UNC13D: variants seen among roughly 807,000 people sequenced by gnomAD.
UNC13D encodes the protein unc-13 homolog D.
UNC13D carries 115 observed loss-of-function variants against 151.7 expected under a neutral mutation model. The ratio of observed to expected loss-of-function variants is 0.76; its 90% CI spans 0.65 to 0.88. The LOEUF (loss-of-function observed/expected upper bound fraction) is 0.88, where lower values mean the gene tolerates loss of function less well. Among genes scored for constraint, UNC13D ranks in the 40% least tolerant of loss-of-function variants. The pLI, the probability that UNC13D is intolerant of heterozygous loss-of-function variation, is 0.00. For missense variants in UNC13D, 1,369 were observed against 1,438.7 expected, an observed-to-expected ratio of 0.95 and a Z score of 0.78; for synonymous variants, 588 against 612.2, an observed-to-expected ratio of 0.96 and a Z score of 0.58.
In UNC13D at chr17:75,840,639, C is replaced by G; in HGVS notation, c.684-63G>C. On this transcript the variant is annotated intron_variant, in intron 8 of 31. Transcript: ENST00000207549. The surrounding 1 kb of genome is among the most constrained non-coding windows in gnomAD (Gnocchi z 4.6). ...GGGTCGGAAGGGATTAGGCTGGAAT[C>G]CACCCCCGGCCGCAGCCACCTGGAC... The G allele has an allele frequency of 6.2e-7, 1 of 1,612,396 alleles. No homozygotes were observed. Among genetic ancestry groups the G allele is most frequent in the East Asian group, 2.2e-5 (1 of 44,870 alleles).
chr17:75,842,482 G>A lies in UNC13D; in HGVS notation c.520C>T (p.Gln174Ter), dbSNP rs1157287613. 2.5e-6 allele frequency: 4 copies of A among 1,613,474 alleles called. No homozygotes were observed. The Middle Eastern group carries it at 4.9e-4, about 200-fold the overall frequency. ...GGGTTGAGTGTCTGGGTGATGACCT[G>A]CGTGCGGTGGGTCTCCTCCTCGGGG... ...TIPEEETHRT[Q>*]VITQTLNPVW... The change falls in exon 6 of 32, where the codon CAG becomes TAG. Residue 174 changes from glutamine (Q) to a stop codon, truncating the protein, a stop_gained. Transcript: ENST00000207549. LOFTEE classifies it high-confidence loss of function.
chr17:75,836,609 CAG>C lies in UNC13D; in HGVS notation c.1259_1260del (p.Ser420CysfsTer40). Reference sequence around the variant, plus strand: ...TGCAGCCGGGCTGGGGAGTCCGAGACAGAGAGGGGGAAGACAGAGCGGAACCT... The same window carrying C: ...TGCAGCCGGGCTGGGGAGTCCGAGACAGAGGGGGAAGACAGAGCGGAACCT... The part of the protein sequence containing the change: ...IRRFRSVFPL[S>X]VSDSPARLQS... On this transcript the variant is annotated frameshift_variant, in exon 14 of 32. Transcript: ENST00000207549. LOFTEE classifies it high-confidence loss of function. 6 of 1,613,734 alleles carry C rather than the reference CAG, an allele frequency of 3.7e-6. No individual in the cohort carries two copies. The highest frequency in any genetic ancestry group is 5.1e-6 in the Non-Finnish European group (6 of 1,180,008).
Position 75,842,469 on chromosome 17 carries a change from TG to T in UNC13D, c.532del (p.Gln178ArgfsTer71), listed in dbSNP as rs746341454. The T allele has an allele frequency of 6.8e-6, 11 of 1,613,366 alleles. No individual in the cohort carries two copies. The highest frequency in any genetic ancestry group is 9.3e-6 in the Non-Finnish European group (11 of 1,179,908). On this transcript the variant is annotated frameshift_variant, in exon 6 of 32. Transcript: ENST00000207549. LOFTEE classifies it high-confidence loss of function. Reference protein sequence around the residue: ...EETHRTQVITQTLNPVWDETF... With the variant: ...EETHRTQVITXTLNPVWDETF... Reference sequence around the variant, plus strand: ...CTCGTCCCAGACGGGGTTGAGTGTCTGGGTGATGACCTGCGTGCGGTGGGTC... The same window carrying T: ...CTCGTCCCAGACGGGGTTGAGTGTCTGGTGATGACCTGCGTGCGGTGGGTC...
At chr17:75,838,161 G>T (rs543894468) in intron 12 of UNC13D, among the ~76,000 whole-genome samples, 7 of 151,630 alleles carry the variant, frequency 4.6e-5, no homozygotes, top group Non-Finnish European at 8.8e-5. Flanking sequence ...CACAGCCCAG[G>T]CCTGAGTCGG....
intron 31 of UNC13D, 49 bp from the exon 32 acceptor site, chr17:75,828,135 C>G: frequency 6.4e-7 from 1 of 1,554,610 alleles, no homozygotes; most frequent in Non-Finnish European, 8.7e-7. Context: ...GAGGGCAGTG[C>G]CTGGTGGTGG....
chr17:75,844,272 CCTT>C lies in UNC13D; in HGVS notation c.63_65del (p.Ile21_Arg22delinsMet). The C allele has an allele frequency of 6.2e-7, 1 of 1,612,822 alleles. No homozygotes were observed. Among genetic ancestry groups the C allele is most frequent in the Non-Finnish European group, 8.5e-7 (1 of 1,179,982 alleles). ...CCTGTAGATCTCTGACTCTGCGGCGCCTTATCTTGATGGCCTGGCGCAAGAAGG... is the reference window on the plus strand; with the variant it reads ...CCTGTAGATCTCTGACTCTGCGGCGCATCTTGATGGCCTGGCGCAAGAAGG... On this transcript the variant is annotated inframe_deletion, in exon 1 of 32. Transcript: ENST00000207549.
chr17:75,831,104 G>A lies in UNC13D; in HGVS notation c.2619C>T (p.Thr873=). The A allele has an allele frequency of 4.3e-6, 7 of 1,613,928 alleles. No homozygotes were observed. The highest frequency in any genetic ancestry group is 5.9e-6 in the Non-Finnish European group (7 of 1,180,040). ...GLPPKALHTA[T]FQALQRDLEL... ...GCTCACCCAAAGCCCCTACCTGGAAGGTGGCAGTGTGCAGGGCCTTGGGTG... is the reference window on the plus strand; with the variant it reads ...GCTCACCCAAAGCCCCTACCTGGAAAGTGGCAGTGTGCAGGGCCTTGGGTG... The change falls in exon 27 of 32, where the codon ACC becomes ACT. Residue 873 remains threonine, a synonymous_variant. Transcript: ENST00000207549.
Position 75,834,972 on chromosome 17 carries a change from A to G in UNC13D, c.1940T>C (p.Leu647Pro), listed in dbSNP as rs1238945614. The G allele has an allele frequency of 6.2e-7, 1 of 1,614,152 alleles. No homozygotes were observed. The highest frequency in any genetic ancestry group is 1.1e-5 in the South Asian group (1 of 91,090). The change falls in exon 21 of 32, where the codon CTG becomes CCG. Residue 647 changes from leucine (L) to proline (P), a missense_variant. Physicochemically the swap from Leu to Pro is moderately conservative, Grantham distance 98 (BLOSUM62 -3). Coordinates refer to ENST00000207549, the MANE Select transcript of UNC13D (RefSeq NM_199242.3). ...GGCCTCCTCTGGGTCTGGCCAGTCC[A>G]GCTGCCGGGCAGTGTGGCTGATCTG... ...FAQISHTARQ[L>P]DWPDPEEAFM...
intron 30 of UNC13D, among the ~76,000 whole-genome samples, chr17:75,829,482 A>AT (rs774519499): frequency 9.9e-5 from 15 of 151,400 alleles, no homozygotes; most frequent in East Asian, 3.9e-4. Flanking sequence ...TTTAGTAGAG[A>AT]CGGGGTTTCA....
In UNC13D at chr17:75,832,888, G is replaced by A; in HGVS notation, c.2447+78C>T. 1.5e-6 allele frequency: 2 copies of A among 1,365,280 alleles called. No individual in the cohort carries two copies. Among genetic ancestry groups the A allele is most frequent in the Admixed American group, 2.1e-5 (1 of 48,640 alleles). The allele number at this position is 1,365,280 out of a possible 1,614,324, so 84.6% of individuals were successfully genotyped here. On this transcript the variant is annotated intron_variant, in intron 25 of 31. Coordinates refer to ENST00000207549, the MANE Select transcript of UNC13D (RefSeq NM_199242.3). The surrounding 1 kb of genome is among the most constrained non-coding windows in gnomAD (Gnocchi z 4.3). Reference sequence around the variant, plus strand: ...GGCTGCTACACCCCTCAGAACGGATGCTGGGGCCCAGGAAGGAGGGGCCGT... The same window carrying A: ...GGCTGCTACACCCCTCAGAACGGATACTGGGGCCCAGGAAGGAGGGGCCGT...
chr17:75,828,160 T>TG (rs1344026996), intron 31 of UNC13D, 74 bp from the exon 32 acceptor site: 31 of 1,532,806 alleles, frequency 2.0e-5, no homozygotes, highest in South Asian at 7.2e-5. Context: ...GAAGAGTGTG[T>TG]GGGGGGGTAC....
intron 31 of UNC13D, 33 bp downstream of exon 31, chr17:75,828,753 TC>T: frequency 6.7e-7 from 1 of 1,497,440 alleles, no homozygotes. Flanking sequence ...CAGGCTCCCG[TC>T]CCCGCACCAC....
At chr17:75,835,212 G>T in intron 20 of UNC13D, 149 bp from the exon 21 acceptor site, 1 of 1,448,078 alleles carries the variant, frequency 6.9e-7, no homozygotes, top group African/African-American at 1.4e-5. Context: ...CCCCCAGGCT[G>T]CAGGATCTCA....
rs1567821333 is a variant in UNC13D, at chr17:75,840,599, A to T, written c.684-23T>A. 6.2e-7 allele frequency: 1 copy of T among 1,613,848 alleles called. No individual in the cohort carries two copies. The highest frequency in any genetic ancestry group is 1.1e-5 in the South Asian group (1 of 91,076). ...ATCCTGCGTCAGGCAGGGTCCCATA[A>T]GGGGGACGCAGCAAGGGTCGGAAGG... On this transcript the variant is annotated intron_variant, in intron 8 of 31. Transcript: ENST00000207549. This position sits in a 1 kb window ranked among gnomAD's most constrained non-coding sequence, Gnocchi z 4.6.
At chr17:75,835,806 C>T in intron 18 of UNC13D, 29 bp from the exon 19 acceptor site, 1 of 1,613,966 alleles carries the variant, frequency 6.2e-7, no homozygotes, top group Non-Finnish European at 8.5e-7. Flanking sequence ...GAGGGCGGGG[C>T]CCACAGCTCT....
chr17:75,836,873 G>C lies in UNC13D; in HGVS notation c.1101C>G (p.Pro367=). Residue 367 remains proline, a synonymous_variant, in exon 13 of 32, where the codon CCC becomes CCG. Transcript: ENST00000207549. ...TGATGGGGTGCAGGAGGCAGCTGCT[G>C]GGGAACTCCAGGCTCTGGTAGAGGC... ...YSRLYQSLEF[P]SSCLLHPITS... is the part of the protein sequence containing the mutation. The C allele has an allele frequency of 6.2e-7, 1 of 1,613,816 alleles. No individual in the cohort carries two copies. Among genetic ancestry groups the C allele is most frequent in the Non-Finnish European group, 8.5e-7 (1 of 1,180,036 alleles).
chr17:75,829,667 C>T (rs1180785471), intron 30 of UNC13D: 1 of 268,402 alleles, frequency 3.7e-6, no homozygotes, highest in East Asian at 1.0e-4. Flanking sequence ...GGCACCATCT[C>T]AGCAGCCTCT....
At chr17:75,831,500 G>A (rs1337145800) in intron 25 of UNC13D, 152 bp from the exon 26 acceptor site, 10 of 689,754 alleles carry the variant, frequency 1.4e-5, no homozygotes, top group Non-Finnish European at 2.5e-5. Flanking sequence ...CCCACCCCAG[G>A]TGAGGCTGGG....
At position 75,833,071 on chromosome 17, in the gene UNC13D, G is replaced by C; in HGVS notation, c.2368-26C>G. On this transcript the variant is annotated intron_variant, in intron 24 of 31. Transcript: ENST00000207549. This position sits in a 1 kb window ranked among gnomAD's most constrained non-coding sequence, Gnocchi z 4.0. Reference sequence around the variant, plus strand: ...CTGGGGAGGGAGATGGGGAGCAGGTGTGGCTCCGGCCCATGTTGGCCCCAC... The same window carrying C: ...CTGGGGAGGGAGATGGGGAGCAGGTCTGGCTCCGGCCCATGTTGGCCCCAC... 6.3e-7 allele frequency: 1 copy of C among 1,588,660 alleles called. No individual in the cohort carries two copies.
Sources: gnomAD v4.1 joint callset for allele counts (sites outside exome capture counted in the v4.1 genomes callset) on GRCh38, gnomAD v4.1.1 for gene constraint, Gnocchi (gnomAD v3.1) non-coding constraint, MANE v1.5 for transcripts, NCBI Gene and HGNC (gene_info 2026-07-23, HGNC 2026-07-21) for gene names.